The following RALGAPA1 variants were observed in gnomAD, a reference collection of about 807,000 sequenced individuals.
RALGAPA1 encodes the protein Ral GTPase activating protein catalytic subunit alpha 1.
RALGAPA1 carries 52 observed loss-of-function variants against 269.6 expected under a neutral mutation model. The observed-to-expected ratio is 0.19, with a 90% CI of 0.15 to 0.24. RALGAPA1 has a LOEUF of 0.24. RALGAPA1 is among the 10% of genes least tolerant of loss of function. The pLI, the probability that RALGAPA1 is intolerant of heterozygous loss-of-function variation, is 1.00. For synonymous variants in RALGAPA1, 817 were observed against 1,008.3 expected (o/e 0.81, Z 3.60); for missense variants, 1,917 against 3,013.9 (o/e 0.64, Z 8.52).
chr14:35,592,955 C>A (rs2058723901), intron 37 of RALGAPA1, among the ~76,000 whole-genome samples: 1 of 152,088 alleles, frequency 6.6e-6, no homozygotes, highest in Non-Finnish European at 1.5e-5. Context: ...GGAAAGGATG[C>A]CCACTTTTGC....
intron 36 of RALGAPA1, among the ~76,000 whole-genome samples, chr14:35,604,851 T>C (rs1270888164): frequency 6.6e-6 from 1 of 152,138 alleles, no homozygotes; most frequent in East Asian, 1.9e-4. Flanking sequence ...AGATTTACTT[T>C]CTGTTAGAAC....
At chr14:35,645,123 T>C (rs2062310530) in intron 31 of RALGAPA1, among the ~76,000 whole-genome samples, 1 of 152,182 alleles carries the variant, frequency 6.6e-6, no homozygotes, top group Non-Finnish European at 1.5e-5. Flanking sequence ...GTCCTCTTTC[T>C]GGCTTGTTAG....
chr14:35,752,911 T>C (rs2072855141), intron 7 of RALGAPA1, among the ~76,000 whole-genome samples: 1 of 152,092 alleles, frequency 6.6e-6, no homozygotes, highest in Non-Finnish European at 1.5e-5. Context: ...GTTATAAATA[T>C]GGAAAGGAAG....
At chr14:35,598,411 A>G (rs777230431) in intron 36 of RALGAPA1, among the ~76,000 whole-genome samples, 6 of 149,926 alleles carry the variant, frequency 4.0e-5, no homozygotes, top group Non-Finnish European at 5.9e-5. Context: ...TTATATATAT[A>G]TATTTTATTT....
At chr14:35,762,160 A>AT (rs968886830) in intron 5 of RALGAPA1, among the ~76,000 whole-genome samples, 19 of 152,304 alleles carry the variant, frequency 1.2e-4, no homozygotes, top group Admixed American at 1.2e-3. Context: ...TTGCTGGTGA[A>AT]TGAGTCCATT....
chr14:35,645,346 G>GGGGTGTGTGTGTGTGTGTGTGTGTGTGT (rs71445953), intron 31 of RALGAPA1, among the ~76,000 whole-genome samples: 3 of 129,552 alleles, frequency 2.3e-5, no homozygotes, highest in African/African-American at 6.0e-5. Context: ...TATAGAGATG[G>GGGGTGTGTGTGTGTGTGTGTGTGTGTGT]GTGTGTGTGT....
chr14:35,805,946 C>T (rs1373769211), intron 1 of RALGAPA1, among the ~76,000 whole-genome samples: 2 of 152,118 alleles, frequency 1.3e-5, no homozygotes, highest in African/African-American at 4.8e-5. Flanking sequence ...CCTCGGCCTC[C>T]CCAAGTCCTG....
At chr14:35,719,499 A>G (rs1478270904) in intron 16 of RALGAPA1, among the ~76,000 whole-genome samples, 1 of 152,148 alleles carries the variant, frequency 6.6e-6, no homozygotes, top group Non-Finnish European at 1.5e-5. Context: ...CTAGAAAGTA[A>G]TCACTATGAG....
At chr14:35,615,441 C>A (rs888476252) in intron 35 of RALGAPA1, among the ~76,000 whole-genome samples, 1 of 152,130 alleles carries the variant, frequency 6.6e-6, no homozygotes, top group Non-Finnish European at 1.5e-5. Context: ...CCCTAGTCCT[C>A]CCTAGACAAG....
intron 1 of RALGAPA1, among the ~76,000 whole-genome samples, chr14:35,793,502 G>A (rs1338911526): frequency 1.3e-5 from 2 of 151,988 alleles, no homozygotes; most frequent in African/African-American, 2.4e-5. Flanking sequence ...CCAAAGTGCT[G>A]GGATTACAGG....
At chr14:35,782,599 A>G (rs2075514372) in intron 1 of RALGAPA1, among the ~76,000 whole-genome samples, 1 of 151,620 alleles carries the variant, frequency 6.6e-6, no homozygotes, top group African/African-American at 2.4e-5. Flanking sequence ...ACACCCAGCT[A>G]ATTTTTGTAT....
At chr14:35,778,382 T>C (rs2075198920) in intron 1 of RALGAPA1, among the ~76,000 whole-genome samples, 1 of 152,210 alleles carries the variant, frequency 6.6e-6, no homozygotes, top group Non-Finnish European at 1.5e-5. Context: ...ATCTATGTGA[T>C]TTTCCAAGAC....
At chr14:35,806,705 A>T (rs999294020) in intron 1 of RALGAPA1, among the ~76,000 whole-genome samples, 13 of 152,202 alleles carry the variant, frequency 8.5e-5, no homozygotes, top group Admixed American at 1.3e-4. Flanking sequence ...AAGCCTGTGT[A>T]ACTGGCAATG....
intron 35 of RALGAPA1, among the ~76,000 whole-genome samples, chr14:35,621,175 C>T (rs886449799): frequency 1.3e-5 from 2 of 152,044 alleles, no homozygotes; most frequent in Admixed American, 6.6e-5. Flanking sequence ...TATAGACCAA[C>T]AGAACAGAAC....
At chr14:35,755,330 G>A (rs1053008852) in intron 7 of RALGAPA1, among the ~76,000 whole-genome samples, 1 of 152,120 alleles carries the variant, frequency 6.6e-6, no homozygotes, top group Non-Finnish European at 1.5e-5. Context: ...TCCAGCCTGG[G>A]TTACAGAGCA....
intron 33 of RALGAPA1, among the ~76,000 whole-genome samples, chr14:35,633,712 A>G (rs1280105955): frequency 6.6e-6 from 1 of 152,196 alleles, no homozygotes; most frequent in Non-Finnish European, 1.5e-5. Flanking sequence ...AAGTGCTCTT[A>G]ATATAAATTG....
chr14:35,677,867 C>T (rs773571967), intron 22 of RALGAPA1, 83 bp downstream of exon 22: 1 of 1,281,146 alleles, frequency 7.8e-7, no homozygotes, highest in Non-Finnish European at 1.1e-6. Flanking sequence ...CATATATAAT[C>T]AAATGTAAGA....
intron 31 of RALGAPA1, among the ~76,000 whole-genome samples, chr14:35,644,782 G>A (rs918241694): frequency 6.6e-6 from 1 of 152,090 alleles, no homozygotes; most frequent in Non-Finnish European, 1.5e-5. Flanking sequence ...GGGAAGGTGA[G>A]GGAGAGCATC....
chr14:35,788,703 T>C (rs1373329611), intron 1 of RALGAPA1, among the ~76,000 whole-genome samples: 1 of 152,230 alleles, frequency 6.6e-6, no homozygotes, highest in Non-Finnish European at 1.5e-5. Context: ...GATTATCTTA[T>C]ACCCTCTGCC....
Sources: gnomAD v4.1 joint callset for allele counts (sites outside exome capture counted in the v4.1 genomes callset) on GRCh38, gnomAD v4.1.1 for gene constraint, MANE v1.5 for transcripts, NCBI Gene and HGNC (gene_info 2026-07-23, HGNC 2026-07-21) for gene names.